ZNF285: variants seen among roughly 807,000 people sequenced by gnomAD.
ZNF285 encodes the protein zinc finger protein 285.
Under a neutral mutation model 6.2 loss-of-function variants are expected in ZNF285, and 4 were observed. That is an observed-to-expected ratio of 0.65 (90% CI 0.32 to 1.49). The LOEUF (loss-of-function observed/expected upper bound fraction) is 1.49, where lower values mean the gene tolerates loss of function less well. Ranked by LOEUF, ZNF285 falls within the 40% of genes most tolerant of loss-of-function variation. The pLI is 0.07. For missense variants in ZNF285, 695 were observed against 708.8 expected (o/e 0.98, Z 0.22); for synonymous variants, 240 against 245.8 (o/e 0.98, Z 0.22).
intron 3 of ZNF285, among the ~76,000 whole-genome samples, chr19:44,389,948 T>G (rs899135108): frequency 6.6e-6 from 1 of 152,210 alleles, no homozygotes; most frequent in Non-Finnish European, 1.5e-5. Flanking sequence ...CGAGTTCTTC[T>G]TATAAGCTGT....
intron 1 of ZNF285, among the ~76,000 whole-genome samples, chr19:44,400,720 G>C (rs1971360992): frequency 1.3e-5 from 2 of 151,940 alleles, no homozygotes; most frequent in Non-Finnish European, 1.5e-5. Context: ...GACTACAGGC[G>C]CCTGCCACCG....
At chr19:44,394,955 G>A (rs1184092455) in intron 2 of ZNF285, among the ~76,000 whole-genome samples, 1 of 152,062 alleles carries the variant, frequency 6.6e-6, no homozygotes, top group Non-Finnish European at 1.5e-5. Flanking sequence ...AGCTTACTTG[G>A]GGTGTTCCAA....
chr19:44,386,311 C>A lies in ZNF285; in HGVS notation c.*161G>T, dbSNP rs1323965582. The A allele has an allele frequency of 1.3e-6, 1 of 768,424 alleles. No individual in the cohort carries two copies. Among genetic ancestry groups the A allele is most frequent in the Admixed American group, 3.0e-5 (1 of 33,698 alleles). 47.6% of individuals were successfully genotyped at this position (768,424 alleles called of 1,614,324 possible). On this transcript the variant is annotated 3_prime_UTR_variant, in exon 4 of 4. Coordinates refer to ENST00000614994, the MANE Select transcript of ZNF285 (RefSeq NM_152354.6). ...GAGCTTCACAGAAGTTCTTGAAATC[C>A]ACAGTCCTTGCCTGGCACACTTCAG...
rs1971019708 is a variant in ZNF285, at chr19:44,382,517, C to T, written c.*3955G>A. ...GTTTCACTATGTTGGCCAGGCTGGT[C>T]TCAAACTCCTGATCTTGTGATTCAG... On this transcript the variant is annotated 3_prime_UTR_variant, in exon 4 of 4. Coordinates refer to ENST00000614994, the MANE Select transcript of ZNF285 (RefSeq NM_152354.6). 1 of 151,998 alleles carries T rather than the reference C, an allele frequency of 6.6e-6. No individual in the cohort carries two copies. Among genetic ancestry groups the T allele is most frequent in the South Asian group, 2.1e-4 (1 of 4,802 alleles). The allele number at this position is 151,998 out of a possible 1,614,324, so 9.4% of individuals were successfully genotyped here.
chr19:44,386,516 G>A lies in ZNF285; in HGVS notation c.1729C>T (p.Leu577Phe). 2.5e-6 allele frequency: 4 copies of A among 1,613,874 alleles called. No individual in the cohort carries two copies. The highest frequency in any genetic ancestry group is 3.4e-6 in the Non-Finnish European group (4 of 1,179,844). The stretch of plus-strand genomic sequence containing the variant: ...TCATGTAGTCTTTGATGAGTCAGAA[G>A]GTCCTTTCCACGCTCACAGTGTGTG... ...QYTHCERGKD[L>F]LTHQRLHEQR... The change falls in exon 4 of 4, where the codon CTT (leucine) becomes TTT (phenylalanine). Residue 577 changes from leucine to phenylalanine, a missense_variant. Transcript: ENST00000614994.
At chr19:44,399,116 T>A (rs138730629) in intron 1 of ZNF285, among the ~76,000 whole-genome samples, 3,442 of 151,690 alleles carry the variant, frequency 0.023, 134 homozygotes, top group East Asian at 0.13. Flanking sequence ...TTATTGGCAC[T>A]GGTCTGTGGG....
chr19:44,397,966 T>C (rs1426213359), intron 1 of ZNF285, among the ~76,000 whole-genome samples: 1 of 151,604 alleles, frequency 6.6e-6, no homozygotes, highest in Admixed American at 6.6e-5. Flanking sequence ...CACTTTCGCA[T>C]GCAAGACTTG....
At chr19:44,391,448 G>A (rs763403211) in intron 3 of ZNF285, among the ~76,000 whole-genome samples, 6 of 152,100 alleles carry the variant, frequency 3.9e-5, no homozygotes, top group Non-Finnish European at 8.8e-5. Flanking sequence ...ATAAAGGAAA[G>A]AGGTTTAATT....
In ZNF285 at chr19:44,388,656, G is replaced by A. The variant is rs182772710; in HGVS notation, c.143-554C>T. Among the ~76,000 whole-genome samples the A allele has an allele frequency of 6.3e-3, 949 of 151,178 alleles. 11 individuals are homozygous for A. Among genetic ancestry groups the A allele is most frequent in the Non-Finnish European group, 5.6e-3 (379 of 67,996 alleles). ...TCACCTCCCTGCTATAAGAGTAGTC[G>A]ATAAAAAGCCTTTAATAATCTTGCT... On this transcript the variant is annotated intron_variant, in intron 3 of 3. Transcript: ENST00000614994.
intron 1 of ZNF285, among the ~76,000 whole-genome samples, chr19:44,399,462 G>A (rs1409789518): frequency 4.2e-5 from 6 of 143,748 alleles, no homozygotes; most frequent in Non-Finnish European, 8.9e-5. Flanking sequence ...CATTTAACAA[G>A]CACTCAATCA....
At chr19:44,399,750 A>G (rs2571145) in intron 1 of ZNF285, among the ~76,000 whole-genome samples, 59,711 of 150,606 alleles carry the variant, frequency 0.4, 15,879 homozygotes, top group East Asian at 0.75. Flanking sequence ...AAATTTGAGG[A>G]GAGTTTAATA....
In ZNF285 at chr19:44,392,439, C is replaced by T; in HGVS notation, c.43G>A (p.Val15Ile). ...QERVTFKDVAVVFTKEELALL... is the reference protein window; with the variant it reads ...QERVTFKDVAIVFTKEELALL... ...GCCAGCTCTTCCTTGGTGAAGACAA[C>T]AGCCACATCCTTGAATGTCACCCTT... Residue 15 changes from valine to isoleucine, a missense_variant, in exon 3 of 4, where the codon GTT becomes ATT. Transcript: ENST00000614994. 1.9e-6 allele frequency: 3 copies of T among 1,613,882 alleles called. No individual in the cohort carries two copies. The highest frequency in any genetic ancestry group is 2.5e-6 in the Non-Finnish European group (3 of 1,179,840).
chr19:44,386,000 C>CAT lies in ZNF285; in HGVS notation c.*470_*471dup, dbSNP rs1250224221. 6.1e-6 allele frequency: 1 copy of CAT among 162,970 alleles called. No individual in the cohort carries two copies. Among genetic ancestry groups the CAT allele is most frequent in the African/African-American group, 2.4e-5 (1 of 41,484 alleles). 10.1% of individuals were successfully genotyped at this position (162,970 alleles called of 1,614,324 possible). On this transcript the variant is annotated 3_prime_UTR_variant, in exon 4 of 4. Transcript: ENST00000614994. ...AGCTTCTTGCCTGTGTAGAGAATCTCATGGAAAACCTGGGTACTAACGTTC... is the reference window on the plus strand; with the variant it reads ...AGCTTCTTGCCTGTGTAGAGAATCTCATATGGAAAACCTGGGTACTAACGTTC...
chr19:44,390,967 G>A (rs1162733427), intron 3 of ZNF285, among the ~76,000 whole-genome samples: 4 of 151,876 alleles, frequency 2.6e-5, no homozygotes, highest in Non-Finnish European at 4.4e-5. Context: ...CATCTTGGCC[G>A]ACATGGTGAA....
chr19:44,394,437 C>A, intron 2 of ZNF285: 1 of 444,514 alleles, frequency 2.2e-6, no homozygotes, highest in Non-Finnish European at 3.9e-6. Flanking sequence ...ACTGAAATAA[C>A]CTATTGGGTA....
chr19:44,390,559 T>A (rs1172575396), intron 3 of ZNF285, among the ~76,000 whole-genome samples: 1 of 152,146 alleles, frequency 6.6e-6, no homozygotes, highest in African/African-American at 2.4e-5. Flanking sequence ...ACTTGGCTTG[T>A]CTCCGATGAG....
intron 2 of ZNF285, chr19:44,394,564 A>G: frequency 1.7e-6 from 1 of 592,146 alleles, no homozygotes; most frequent in South Asian, 2.2e-5. Flanking sequence ...TGGAAAGAAG[A>G]AAAGAAAATT....
intron 3 of ZNF285, among the ~76,000 whole-genome samples, chr19:44,388,493 T>A (rs1239414757): frequency 2.0e-5 from 3 of 151,926 alleles, no homozygotes; most frequent in Non-Finnish European, 4.4e-5. Context: ...GATTGCTTAA[T>A]CCTGGGAGGC....
chr19:44,397,122 C>T (rs1477292699), intron 2 of ZNF285, 77 bp downstream of exon 2: 1 of 1,606,334 alleles, frequency 6.2e-7, no homozygotes, highest in Admixed American at 1.7e-5. Context: ...AAAATGCTGA[C>T]CTCCTTTCAG....
Sources: gnomAD v4.1 joint callset for allele counts (sites outside exome capture counted in the v4.1 genomes callset) on GRCh38, gnomAD v4.1.1 for gene constraint, MANE v1.5 for transcripts, NCBI Gene and HGNC (gene_info 2026-07-23, HGNC 2026-07-21) for gene names.